MAGI2: variants seen among roughly 807,000 people sequenced by gnomAD.
MAGI2 encodes the protein membrane associated guanylate kinase, WW and PDZ domain containing 2, also known as membrane-associated guanylate kinase, WW and PDZ domain-containing protein 2.
A neutral mutation model predicts 133.3 loss-of-function variants in MAGI2; 35 were observed. That is an observed-to-expected ratio of 0.26 (90% confidence interval 0.20 to 0.35). MAGI2 has a LOEUF of 0.35. Ranked by LOEUF, MAGI2 falls within the 10% of genes least tolerant of loss-of-function variation. The pLI is 1.00. For missense variants in MAGI2, 1,636 were observed against 1,863.4 expected, an observed-to-expected ratio of 0.88 and a Z score of 2.25; for synonymous variants, 729 against 710.6, an observed-to-expected ratio of 1.03 and a Z score of -0.41.
intron 2 of MAGI2, among the ~76,000 whole-genome samples, chr7:78,890,520 A>C (rs1009710036): frequency 3.9e-5 from 6 of 152,208 alleles, no homozygotes; most frequent in Non-Finnish European, 8.8e-5. Context: ...AAATTATAAC[A>C]AACTGTCTCT....
chr7:78,922,763 G>A lies in MAGI2; in HGVS notation c.418+84327C>T, dbSNP rs555131317. 1.1e-4 allele frequency among the ~76,000 whole-genome samples: 17 copies of A among 151,664 alleles called. No individual in the cohort carries two copies. The East Asian group carries it at 2.5e-3, about 23-fold the overall frequency. On this transcript the variant is annotated intron_variant, in intron 2 of 21. Coordinates refer to ENST00000354212, the MANE Select transcript of MAGI2 (RefSeq NM_012301.4). ...TCTAGTTCTAGATCCCTGAGGAATCGCTACACTGACTTCCACAATGGTTGA... is the reference window on the plus strand; with the variant it reads ...TCTAGTTCTAGATCCCTGAGGAATCACTACACTGACTTCCACAATGGTTGA...
intron 14 of MAGI2, among the ~76,000 whole-genome samples, chr7:78,175,536 TGG>T (rs1356253948): frequency 6.6e-6 from 1 of 152,146 alleles, no homozygotes; most frequent in Non-Finnish European, 1.5e-5. Context: ...TCACGTAGCC[TGG>T]TGTGTGGGTG....
intron 7 of MAGI2, among the ~76,000 whole-genome samples, chr7:78,365,155 A>G (rs931906130): frequency 1.3e-5 from 2 of 149,660 alleles, no homozygotes; most frequent in African/African-American, 2.5e-5. Context: ...CTCGGTGGCC[A>G]TGTTGTCCAG....
At chr7:78,503,258 T>G (rs1375417412) in intron 4 of MAGI2, among the ~76,000 whole-genome samples, 1 of 152,136 alleles carries the variant, frequency 6.6e-6, no homozygotes, top group East Asian at 1.9e-4. Context: ...TCCAAGTATC[T>G]TATCTGAGGG....
At chr7:79,426,672 G>A (rs1157372341) in intron 1 of MAGI2, among the ~76,000 whole-genome samples, 1 of 152,076 alleles carries the variant, frequency 6.6e-6, no homozygotes, top group Non-Finnish European at 1.5e-5. Flanking sequence ...AATTAATCAG[G>A]GATGCACAAT....
chr7:78,779,990 C>G (rs1159709848), intron 2 of MAGI2, among the ~76,000 whole-genome samples: 2 of 152,212 alleles, frequency 1.3e-5, no homozygotes, highest in Admixed American at 1.3e-4. Context: ...CTGCCACCCT[C>G]TGGGACAGAA....
chr7:78,841,549 T>C (rs551798492), intron 2 of MAGI2, among the ~76,000 whole-genome samples: 1 of 151,972 alleles, frequency 6.6e-6, no homozygotes, highest in Non-Finnish European at 1.5e-5. Context: ...TCCCCTCTTG[T>C]ACTTTGACAA....
At position 78,192,311 on chromosome 7, in the gene MAGI2, G is replaced by A. The variant is rs138500383; in HGVS notation, c.2269+2563C>T. Reference sequence around the variant, plus strand: ...GATTCAAAGGAATAAGAATAGGAATGGTTCATAATCACGAATTTTGAAATA... The same window carrying A: ...GATTCAAAGGAATAAGAATAGGAATAGTTCATAATCACGAATTTTGAAATA... On this transcript the variant is annotated intron_variant, in intron 12 of 21. Transcript: ENST00000354212. Among the ~76,000 whole-genome samples, 9 of 152,048 alleles carry A rather than the reference G, an allele frequency of 5.9e-5. No homozygotes were observed. The East Asian group carries it at 1.7e-3, about 29-fold the overall frequency.
chr7:78,820,145 GAA>G (rs1275487612), intron 2 of MAGI2, among the ~76,000 whole-genome samples: 3 of 151,926 alleles, frequency 2.0e-5, no homozygotes, highest in African/African-American at 7.2e-5. Context: ...TAACATCACT[GAA>G]TATTTAGATT....
chr7:79,284,211 A>T (rs556482722), intron 1 of MAGI2, among the ~76,000 whole-genome samples: 5 of 152,102 alleles, frequency 3.3e-5, no homozygotes, highest in Admixed American at 6.6e-5. Flanking sequence ...AGGGTCAGCC[A>T]TAGGGTAAAA....
chr7:79,167,827 C>T (rs567126151), intron 1 of MAGI2, among the ~76,000 whole-genome samples: 1 of 152,070 alleles, frequency 6.6e-6, no homozygotes, highest in African/African-American at 2.4e-5. Context: ...TGGCCATAAA[C>T]AAAATCTCTG....
At chr7:79,101,750 A>G (rs1199090122) in intron 1 of MAGI2, among the ~76,000 whole-genome samples, 1 of 151,368 alleles carries the variant, frequency 6.6e-6, no homozygotes. Flanking sequence ...AGAAAAAAGA[A>G]AAAGGAAAAT....
At chr7:79,074,818 GATCT>G (rs1433297706) in intron 1 of MAGI2, among the ~76,000 whole-genome samples, 2 of 152,248 alleles carry the variant, frequency 1.3e-5, no homozygotes, top group Admixed American at 6.5e-5. Flanking sequence ...TAATATTTAG[GATCT>G]ATCTCTGTTA....
At chr7:78,064,711 T>A (rs1813636972) in intron 21 of MAGI2, among the ~76,000 whole-genome samples, 1 of 152,108 alleles carries the variant, frequency 6.6e-6, no homozygotes. Context: ...ACATATAAAA[T>A]CCCAGTCCAG....
At chr7:79,218,836 GT>G (rs1352658163) in intron 1 of MAGI2, among the ~76,000 whole-genome samples, 13 of 152,128 alleles carry the variant, frequency 8.5e-5, no homozygotes, top group Admixed American at 2.0e-4. Flanking sequence ...AAGTTCCTAT[GT>G]ATGTACAGCA....
At chr7:78,831,403 T>G (rs2151442567) in intron 2 of MAGI2, among the ~76,000 whole-genome samples, 1 of 152,204 alleles carries the variant, frequency 6.6e-6, no homozygotes, top group African/African-American at 2.4e-5. Flanking sequence ...ACTTTAAAAT[T>G]ATCTTTTTTT....
At chr7:78,552,096 A>G (rs1263075113) in intron 3 of MAGI2, among the ~76,000 whole-genome samples, 1 of 148,960 alleles carries the variant, frequency 6.7e-6, no homozygotes, top group Non-Finnish European at 1.5e-5. Context: ...CAGCAATCTT[A>G]TTGGGCAATT....
At chr7:78,034,508 A>G (rs1463402100) in intron 21 of MAGI2, among the ~76,000 whole-genome samples, 3 of 152,002 alleles carry the variant, frequency 2.0e-5, no homozygotes, top group African/African-American at 4.8e-5. Context: ...AGAGGAAAAA[A>G]CCAAATATCT....
chr7:79,252,405 C>T (rs886442209), intron 1 of MAGI2, among the ~76,000 whole-genome samples: 7 of 151,728 alleles, frequency 4.6e-5, no homozygotes, highest in Admixed American at 2.0e-4. Context: ...ATTGAACTCA[C>T]GGAGATAGAC....
Sources: allele counts gnomAD v4.1 joint callset (sites outside exome capture counted in the v4.1 genomes callset), GRCh38; gene constraint gnomAD v4.1.1; transcripts MANE v1.5; gene names NCBI Gene and HGNC (gene_info 2026-07-23, HGNC 2026-07-21).